SLCO1A2: variants seen among roughly 807,000 people sequenced by gnomAD.
The protein encoded by SLCO1A2 is OATP-1.
SLCO1A2 carries 67 observed loss-of-function variants against 69.0 expected under a neutral mutation model. The ratio of observed to expected loss-of-function variants is 0.97; its 90% confidence interval spans 0.80 to 1.19. The LOEUF is 1.19. Ranked by LOEUF, SLCO1A2 falls within the 50% of genes most tolerant of loss-of-function variation. SLCO1A2 has a pLI of 0.00. For synonymous variants in SLCO1A2, 260 were observed against 265.9 expected (o/e 0.98, Z 0.22); for missense variants, 787 against 793.7 (o/e 0.99, Z 0.10).
At chr12:21,379,571 T>C (rs1029257292) in intron 1 of SLCO1A2, 1 of 152,220 alleles carries the variant, frequency 6.6e-6, no homozygotes. Flanking sequence ...CTTTTTTTGA[T>C]AGCAGCTGCA....
chr12:21,289,058 A>G (rs1276890008), intron 12 of SLCO1A2, among the ~76,000 whole-genome samples: 1 of 151,966 alleles, frequency 6.6e-6, no homozygotes, highest in Non-Finnish European at 1.5e-5. Context: ...ATTTAAAATC[A>G]ATACAAATAT....
chr12:21,417,047 C>T (rs1166108694), intron 1 of SLCO1A2, among the ~76,000 whole-genome samples: 1 of 152,042 alleles, frequency 6.6e-6, no homozygotes, highest in Non-Finnish European at 1.5e-5. Context: ...ACGTAAGCTC[C>T]ATGAATGCAG....
At chr12:21,348,336 T>G (rs1175975278) in intron 2 of SLCO1A2, among the ~76,000 whole-genome samples, 2 of 152,224 alleles carry the variant, frequency 1.3e-5, no homozygotes, top group Non-Finnish European at 2.9e-5. Flanking sequence ...TAGTGGATCT[T>G]ATTCATTCTG....
intron 2 of SLCO1A2, among the ~76,000 whole-genome samples, chr12:21,362,589 G>A (rs937505122): frequency 1.3e-5 from 2 of 152,074 alleles, no homozygotes; most frequent in African/African-American, 4.8e-5. Context: ...GCTCCAATTA[G>A]AAGACACAGA....
intron 9 of SLCO1A2, 100 bp from the exon 10 acceptor site, chr12:21,295,892 G>T: frequency 4.7e-6 from 3 of 643,744 alleles, no homozygotes; most frequent in Non-Finnish European, 8.0e-6. Flanking sequence ...AACTATTTAG[G>T]TCCAACTCAT....
chr12:21,329,797 A>C (rs1952490689), intron 2 of SLCO1A2, among the ~76,000 whole-genome samples: 1 of 151,474 alleles, frequency 6.6e-6, no homozygotes, highest in Admixed American at 6.6e-5. Flanking sequence ...TTGTATTTTT[A>C]TAAATTTTAC....
intron 8 of SLCO1A2, among the ~76,000 whole-genome samples, chr12:21,299,358 T>C (rs1414009816): frequency 6.0e-5 from 9 of 150,170 alleles, no homozygotes; most frequent in African/African-American, 2.3e-4. Context: ...GAGCTTTTAT[T>C]GAGGTTCTGT....
chr12:21,301,263 A>T lies in SLCO1A2; in HGVS notation c.596T>A (p.Val199Glu), dbSNP rs1174140813. Residue 199 changes from valine (V) to glutamate (E), a missense_variant, in exon 7 of 15, where the codon GTA becomes GAA. Physicochemically the swap from Val to Glu is moderately radical, Grantham distance 121 (BLOSUM62 -2). Coordinates refer to ENST00000683939, the MANE Select transcript of SLCO1A2 (RefSeq NM_001386879.1). ...FENSPLYIGLVETGAIIGPLI... is the reference protein window; with the variant it reads ...FENSPLYIGLEETGAIIGPLI... Reference sequence around the variant, plus strand: ...AGGACCAATAATAGCTCCTGTTTCTACAAGCCCTAAAAATAAATAAAAGTA... The same window carrying T: ...AGGACCAATAATAGCTCCTGTTTCTTCAAGCCCTAAAAATAAATAAAAGTA... 1 of 1,608,250 alleles carries T rather than the reference A, an allele frequency of 6.2e-7. No individual in the cohort carries two copies. The highest frequency in any genetic ancestry group is 2.2e-5 in the East Asian group (1 of 44,742).
intron 11 of SLCO1A2, 125 bp from the exon 12 acceptor site, chr12:21,292,461 A>G: frequency 1.6e-6 from 1 of 625,464 alleles, no homozygotes; most frequent in Non-Finnish European, 2.7e-6. Flanking sequence ...CTCCATTATG[A>G]TGTCTCTCAA....
chr12:21,355,250 A>C (rs925280959), intron 2 of SLCO1A2, among the ~76,000 whole-genome samples: 9 of 152,326 alleles, frequency 5.9e-5, no homozygotes, highest in Non-Finnish European at 1.3e-4. Flanking sequence ...TATATAGCTC[A>C]GAAGTCTTTA....
At chr12:21,386,812 T>C (rs1471380940) in intron 1 of SLCO1A2, among the ~76,000 whole-genome samples, 1 of 151,904 alleles carries the variant, frequency 6.6e-6, no homozygotes, top group Non-Finnish European at 1.5e-5. Flanking sequence ...GAGGTTGGAA[T>C]AGTTTGATGG....
chr12:21,413,354 G>A (rs1277204191), intron 1 of SLCO1A2, among the ~76,000 whole-genome samples: 1 of 143,924 alleles, frequency 6.9e-6, no homozygotes. Context: ...TAATTCTCCT[G>A]CCTCAGCCTC....
chr12:21,329,572 T>C (rs1342024959), intron 2 of SLCO1A2, among the ~76,000 whole-genome samples: 1 of 151,898 alleles, frequency 6.6e-6, no homozygotes, highest in Non-Finnish European at 1.5e-5. Flanking sequence ...GCATAATCCA[T>C]CTCTAAATTC....
In SLCO1A2 at chr12:21,314,758, A is replaced by G. The variant is rs921441625; in HGVS notation, c.203-77T>C. 10 of 1,085,188 alleles carry G rather than the reference A, an allele frequency of 9.2e-6. No individual in the cohort carries two copies. In the Admixed American group the frequency reaches 1.0e-4, roughly 11 times the overall value. The allele number at this position is 1,085,188 out of a possible 1,614,324, so 67.2% of individuals were successfully genotyped here. A position where few individuals can be genotyped will look rare whatever the true frequency, so the allele number is the denominator to read the frequency against. The stretch of plus-strand genomic sequence containing the variant: ...TTAAGAGCCTCACCCAATCATTTAC[A>G]TTCTAGCATTTACTGCATAACAACT... On this transcript the variant is annotated intron_variant, in intron 3 of 14. Transcript: ENST00000683939.
chr12:21,292,187 T>C lies in SLCO1A2; in HGVS notation c.1587A>G (p.Ile529Met), dbSNP rs772041444. 8 of 1,603,904 alleles carry C rather than the reference T, an allele frequency of 5.0e-6. No individual in the cohort carries two copies. Among genetic ancestry groups the C allele is most frequent in the African/African-American group, 4.0e-5 (3 of 74,214 alleles). ...MSSFIYSLAA[I>M]PGYMVLLRCM... is the part of the protein sequence containing the mutation. ...ACCTCAAGAGAACCATATATCCAGG[T>C]ATGGCAGCCAAAGAATAAATGAAAC... The change falls in exon 12 of 15, where the codon ATA becomes ATG. Residue 529 changes from isoleucine to methionine, a missense_variant. Ile to Met is a conservative substitution (Grantham distance 10). Transcript: ENST00000683939.
intron 1 of SLCO1A2, among the ~76,000 whole-genome samples, chr12:21,405,479 A>T (rs1457580597): frequency 6.6e-6 from 1 of 152,174 alleles, no homozygotes; most frequent in Non-Finnish European, 1.5e-5. Context: ...AGATAATCCT[A>T]AGCAAAAAGA....
intron 4 of SLCO1A2, among the ~76,000 whole-genome samples, chr12:21,312,144 G>C (rs1355779910): frequency 1.3e-5 from 2 of 152,192 alleles, no homozygotes; most frequent in Non-Finnish European, 2.9e-5. Context: ...GTTATTTAGT[G>C]TAGCCACCTT....
At chr12:21,417,142 C>T (rs1227093145) in intron 1 of SLCO1A2, among the ~76,000 whole-genome samples, 1 of 151,020 alleles carries the variant, frequency 6.6e-6, no homozygotes, top group Non-Finnish European at 1.5e-5. Context: ...TGGGAAGAAA[C>T]TAGTGAAAGA....
At chr12:21,383,096 A>T (rs1940690719) in intron 1 of SLCO1A2, among the ~76,000 whole-genome samples, 1 of 152,222 alleles carries the variant, frequency 6.6e-6, no homozygotes, top group South Asian at 2.1e-4. Context: ...TATTGAGAAT[A>T]ACAATCTTTA....
Sources: gnomAD v4.1 joint callset for allele counts (sites outside exome capture counted in the v4.1 genomes callset) on GRCh38, gnomAD v4.1.1 for gene constraint, MANE v1.5 for transcripts, NCBI Gene and HGNC (gene_info 2026-07-23, HGNC 2026-07-21) for gene names.